SGCD: variants seen among roughly 807,000 people sequenced by gnomAD.
SGCD encodes the protein delta-sarcoglycan.
A neutral mutation model predicts 36.6 loss-of-function variants in SGCD; 18 were observed. The observed-to-expected ratio is 0.49, with a 90% confidence interval of 0.34 to 0.73. SGCD has a LOEUF of 0.73. Among genes scored for constraint, SGCD ranks in the 30% least tolerant of loss-of-function variants. SGCD has a pLI of 0.01. For synonymous variants in SGCD, 133 were observed against 130.6 expected (o/e 1.02, Z -0.12); for missense variants, 387 against 346.7 (o/e 1.12, Z -0.92).
chr5:156,213,550 C>G (rs896352150), intron 3 of SGCD, among the ~76,000 whole-genome samples: 8 of 152,000 alleles, frequency 5.3e-5, no homozygotes, highest in Non-Finnish European at 1.2e-4. Context: ...TAAAAAAGAA[C>G]TAATATCTAT....
At chr5:156,149,047 A>G (rs1311325243) in intron 3 of SGCD, among the ~76,000 whole-genome samples, 4 of 152,112 alleles carry the variant, frequency 2.6e-5, no homozygotes, top group Admixed American at 2.0e-4. Flanking sequence ...CCAGTTCTTT[A>G]ATGTTTAACT....
chr5:156,433,726 G>A (rs1427784417), intron 3 of SGCD, among the ~76,000 whole-genome samples: 2 of 152,300 alleles, frequency 1.3e-5, no homozygotes, highest in South Asian at 2.1e-4. Context: ...ACAGCACCAA[G>A]CAATGGCCTG....
chr5:156,511,038 T>TA (rs1756903477), intron 4 of SGCD, among the ~76,000 whole-genome samples: 1 of 152,180 alleles, frequency 6.6e-6, no homozygotes, highest in Non-Finnish European at 1.5e-5. Context: ...TAACAATACT[T>TA]ACGTTTATAT....
intron 3 of SGCD, chr5:156,458,629 C>T (rs1754355547): frequency 3.1e-6 from 2 of 643,514 alleles, no homozygotes; most frequent in Admixed American, 2.7e-5. Flanking sequence ...GAAAAAAATA[C>T]AATATTCATG....
intron 6 of SGCD, among the ~76,000 whole-genome samples, chr5:156,615,579 G>A (rs1320328839): frequency 6.6e-6 from 1 of 152,036 alleles, no homozygotes; most frequent in African/African-American, 2.4e-5. Context: ...GAAAGGGGTG[G>A]GAGTGTTCTT....
chr5:155,817,221 G>T, the SGCD span, among the ~76,000 whole-genome samples: 1 of 152,060 alleles, frequency 6.6e-6, no homozygotes, highest in Non-Finnish European at 1.5e-5. Context: ...ATGCTGCAAT[G>T]AATACTGCTG....
At chr5:156,266,678 A>G (rs950262314) in intron 3 of SGCD, among the ~76,000 whole-genome samples, 1 of 151,696 alleles carries the variant, frequency 6.6e-6, no homozygotes, top group African/African-American at 2.4e-5. Context: ...AGAAGGGGCT[A>G]TGTTTCCCAG....
chr5:156,571,526 T>TC (rs994312346), intron 4 of SGCD, among the ~76,000 whole-genome samples: 49 of 152,220 alleles, frequency 3.2e-4, no homozygotes, highest in African/African-American at 1.2e-3. Flanking sequence ...TTCCTCTCTC[T>TC]CCCCCTGAAT....
chr5:156,152,134 T>TA (rs577639824), intron 3 of SGCD, among the ~76,000 whole-genome samples: 68 of 150,560 alleles, frequency 4.5e-4, no homozygotes, highest in Middle Eastern at 3.4e-3. Context: ...AATTGTGAGT[T>TA]AAAAAAAAAC....
intron 3 of SGCD, among the ~76,000 whole-genome samples, chr5:156,249,088 G>C (rs1453643016): frequency 6.6e-6 from 1 of 152,168 alleles, no homozygotes; most frequent in Non-Finnish European, 1.5e-5. Flanking sequence ...TAGATTTGGA[G>C]TAAAGGACAG....
chr5:156,285,597 G>C (rs1445693177), intron 3 of SGCD, among the ~76,000 whole-genome samples: 1 of 152,112 alleles, frequency 6.6e-6, no homozygotes, highest in Non-Finnish European at 1.5e-5. Flanking sequence ...TTAATAAATG[G>C]TACTGGGAAA....
intron 3 of SGCD, among the ~76,000 whole-genome samples, chr5:156,276,273 T>A (rs56282784): frequency 0.048 from 7,233 of 152,204 alleles, 504 homozygotes; most frequent in African/African-American, 0.16. Flanking sequence ...GAGAGTATCA[T>A]CACGAGATAA....
Position 156,761,248 on chromosome 5 carries a change from G to A in SGCD, c.*1858G>A, listed in dbSNP as rs1757493893. 6.6e-6 allele frequency: 1 copy of A among 152,198 alleles called. No individual in the cohort carries two copies. The highest frequency in any genetic ancestry group is 1.5e-5 in the Non-Finnish European group (1 of 68,068). The allele number at this position is 152,198 out of a possible 1,614,324, so 9.4% of individuals were successfully genotyped here. ...CTTAGTCACTTACTTAGAAGTAGAT[G>A]GTGGGGGACAGCGGCGTGGGTCCTA... On this transcript the variant is annotated 3_prime_UTR_variant, in exon 9 of 9. Transcript: ENST00000337851.
In SGCD at chr5:156,583,358, A is replaced by G. The variant is rs111369724; in HGVS notation, c.295-5873A>G. ...CTGTTGCCTCTCCAATTGCCAAGCA[A>G]CACGAGGATTATCCCTCACTCTGCC... is the stretch of plus-strand genomic sequence containing the variant. On this transcript the variant is annotated intron_variant, in intron 4 of 8. Transcript: ENST00000337851. Among the ~76,000 whole-genome samples the G allele has an allele frequency of 2.6e-3, 389 of 152,272 alleles. 2 individuals carry two copies. The highest frequency in any genetic ancestry group is 8.8e-3 in the African/African-American group (366 of 41,550).
chr5:156,225,380 AC>A (rs1009927199), intron 3 of SGCD, among the ~76,000 whole-genome samples: 2 of 152,144 alleles, frequency 1.3e-5, no homozygotes, highest in Non-Finnish European at 1.5e-5. Context: ...TTAACACAAA[AC>A]TTTTATGAGC....
chr5:156,378,059 C>T lies in SGCD; in HGVS notation c.192+33382C>T, dbSNP rs557026144. Reference sequence around the variant, plus strand: ...CAGATATTTGTTCACTAGTGTTCATCGTAGCATTATTCTCACTAGACAGAA... The same window carrying T: ...CAGATATTTGTTCACTAGTGTTCATTGTAGCATTATTCTCACTAGACAGAA... On this transcript the variant is annotated intron_variant, in intron 3 of 8. Coordinates refer to ENST00000337851, the MANE Select transcript of SGCD (RefSeq NM_000337.6). Among the ~76,000 whole-genome samples the T allele has an allele frequency of 5.3e-5, 8 of 152,238 alleles. No homozygotes were observed. In the East Asian group the frequency reaches 1.2e-3, roughly 22 times the overall value.
At chr5:156,148,294 C>T (rs1441270841) in intron 3 of SGCD, among the ~76,000 whole-genome samples, 1 of 152,126 alleles carries the variant, frequency 6.6e-6, no homozygotes, top group Admixed American at 6.5e-5. Flanking sequence ...AACACAGCAC[C>T]TGGAAACTGG....
At chr5:156,405,942 G>A (rs952240049) in intron 3 of SGCD, among the ~76,000 whole-genome samples, 1 of 144,540 alleles carries the variant, frequency 6.9e-6, no homozygotes, top group Non-Finnish European at 1.5e-5. Flanking sequence ...CTAAATAATT[G>A]ATCAACACGC....
chr5:156,381,383 A>G (rs909703207), intron 3 of SGCD, among the ~76,000 whole-genome samples: 1 of 152,184 alleles, frequency 6.6e-6, no homozygotes, highest in Non-Finnish European at 1.5e-5. Context: ...ACCATTTTTC[A>G]TTCTTGGCAA....
Sources: allele counts gnomAD v4.1 joint callset (sites outside exome capture counted in the v4.1 genomes callset), GRCh38; gene constraint gnomAD v4.1.1; transcripts MANE v1.5; gene names NCBI Gene and HGNC (gene_info 2026-07-23, HGNC 2026-07-21).